Variants in VKORC1 observed in about 807,000 individuals in gnomAD.
VKORC1 encodes phylloquinone epoxide reductase.
Under a neutral mutation model 14.8 loss-of-function variants are expected in VKORC1, and 12 were observed. That is an observed-to-expected ratio of 0.81 (90% CI 0.52 to 1.31). The LOEUF (loss-of-function observed/expected upper bound fraction) is 1.31, where lower values mean the gene tolerates loss of function less well. VKORC1 is among the 50% of genes most tolerant of loss of function. VKORC1 has a pLI of 0.00. For synonymous variants in VKORC1, 94 were observed against 92.5 expected, an observed-to-expected ratio of 1.02 and a Z score of -0.09; for missense variants, 223 against 215.3, an observed-to-expected ratio of 1.04 and a Z score of -0.22.
rs1057109736 is a variant in VKORC1, at chr16:31,093,347, A to C, written c.248T>G (p.Phe83Cys). 1 of 1,614,126 alleles carries C rather than the reference A, an allele frequency of 6.2e-7. No individual in the cohort carries two copies. The highest frequency in any genetic ancestry group is 1.1e-5 in the South Asian group (1 of 91,080). Residue 83 changes from phenylalanine to cysteine, a missense_variant, in exon 2 of 3, where the codon TTC (phenylalanine) becomes TGC (cysteine). Physicochemically the swap from Phe to Cys is radical, Grantham distance 205. Coordinates refer to ENST00000394975, the MANE Select transcript of VKORC1 (RefSeq NM_024006.6). ...CTGTAGTGTGTAGAAGATGCAACCG[A>C]ATATGCTGTTGGATTGATTGAGGAT... Reference protein sequence around the residue: ...DSILNQSNSIFGCIFYTLQLL... With the variant: ...DSILNQSNSICGCIFYTLQLL...
rs2057315666 is a variant in VKORC1, at chr16:31,094,637, C to T, written c.93G>A (p.Ala31=). ...GGTAATCCCGGTCCCGGGCGCGCGC[C>T]GCCTTCACGTGCAGCGCGTAGAGCG... ...VLSLYALHVK[A]ARARDRDYRA... is the part of the protein sequence containing the mutation. The change falls in exon 1 of 3, where the codon GCG becomes GCA. Residue 31 remains alanine (A), a synonymous_variant. Transcript: ENST00000394975. The T allele has an allele frequency of 1.2e-6, 2 of 1,606,590 alleles. No homozygotes were observed. The highest frequency in any genetic ancestry group is 1.7e-6 in the Non-Finnish European group (2 of 1,178,106).
At chr16:31,094,274 C>T (rs1450422995) in intron 1 of VKORC1, 1 of 1,612,914 alleles carries the variant, frequency 6.2e-7, no homozygotes, top group Non-Finnish European at 8.5e-7. Flanking sequence ...TCTCTACCGC[C>T]ATCCTGCCTC....
intron 1 of VKORC1, chr16:31,093,647 G>T: frequency 9.1e-7 from 1 of 1,093,496 alleles, no homozygotes; most frequent in Non-Finnish European, 1.3e-6. Flanking sequence ...ACCAGGCCCG[G>T]ACGTGGCTAC....
At position 31,090,996 on chromosome 16, in the gene VKORC1, T is replaced by C. The variant is rs1490108322; in HGVS notation, c.*138A>G. The C allele has an allele frequency of 2.8e-6, 4 of 1,410,720 alleles. No individual in the cohort carries two copies. Among genetic ancestry groups the C allele is most frequent in the Admixed American group, 4.1e-5 (2 of 48,548 alleles). 87.4% of individuals were successfully genotyped at this position (1,410,720 alleles called of 1,614,324 possible). A position where few individuals can be genotyped will look rare whatever the true frequency, so the allele number is the denominator to read the frequency against. On this transcript the variant is annotated 3_prime_UTR_variant, in exon 3 of 3. Transcript: ENST00000394975. ...GTGTGGCACATTTGGTCCATTGTCA[T>C]GTGCGGGTATGGCAGGAGGAGGGGG...
chr16:31,091,065 A>G lies in VKORC1; in HGVS notation c.*69T>C. The G allele has an allele frequency of 6.3e-7, 1 of 1,586,806 alleles. No homozygotes were observed. Among genetic ancestry groups the G allele is most frequent in the Non-Finnish European group, 8.6e-7 (1 of 1,166,818 alleles). ...TCTAGGGCCTTCTAGGGACCCAGAT[A>G]TGCCCCCTTAGGCAAGGCTCACATG... On this transcript the variant is annotated 3_prime_UTR_variant, in exon 3 of 3. Coordinates refer to ENST00000394975, the MANE Select transcript of VKORC1 (RefSeq NM_024006.6).
At chr16:31,094,314 G>C in intron 1 of VKORC1, 1 of 1,612,886 alleles carries the variant, frequency 6.2e-7, no homozygotes. Flanking sequence ...GTTATTCCTT[G>C]GCATCCAATT....
At chr16:31,094,462 G>A (rs775405268) in intron 1 of VKORC1, 95 bp downstream of exon 1, 21 of 1,612,746 alleles carry the variant, frequency 1.3e-5, no homozygotes, top group East Asian at 8.9e-5. Flanking sequence ...CCCCGTGTCC[G>A]TTCCCCGGGC....
At chr16:31,093,931 T>G in intron 1 of VKORC1, 1 of 390,322 alleles carries the variant, frequency 2.6e-6, no homozygotes, top group Non-Finnish European at 4.7e-6. Context: ...GGTCAACTCC[T>G]GACTTCAAGT....
At chr16:31,093,452 G>C (rs756960937) in intron 1 of VKORC1, 31 bp from the exon 2 acceptor site, 2 of 1,614,076 alleles carry the variant, frequency 1.2e-6, no homozygotes, top group South Asian at 2.2e-5. Context: ...GGTGGAACCA[G>C]GTTAGGACTG....
intron 1 of VKORC1, chr16:31,094,296 T>G: frequency 6.2e-7 from 1 of 1,612,902 alleles, no homozygotes; most frequent in Non-Finnish European, 8.5e-7. Flanking sequence ...CCGCCTTTCC[T>G]GGTCACCGTT....
intron 1 of VKORC1, chr16:31,094,148 G>A (rs1330602194): frequency 3.2e-6 from 5 of 1,547,286 alleles, no homozygotes; most frequent in Non-Finnish European, 4.4e-6. Context: ...TCTGTATTCC[G>A]TCATTATGCT....
Position 31,090,933 on chromosome 16 carries a change from GAC to G in VKORC1, c.*199_*200del, listed in dbSNP as rs2143901615. ...AGAGCTTTGGAGACCAGCCCATGGG[GAC>G]AGAGTCAGAGGCACTGGGTGTAAAA... On this transcript the variant is annotated 3_prime_UTR_variant, in exon 3 of 3. Coordinates refer to ENST00000394975, the MANE Select transcript of VKORC1 (RefSeq NM_024006.6). The G allele has an allele frequency of 1.2e-6, 1 of 805,064 alleles. No individual in the cohort carries two copies. The highest frequency in any genetic ancestry group is 1.9e-6 in the Non-Finnish European group (1 of 517,822). The allele number at this position is 805,064 out of a possible 1,614,324, so 49.9% of individuals were successfully genotyped here.
In VKORC1 at chr16:31,094,710, C is replaced by G; in HGVS notation, c.20G>C (p.Ser7Thr). The stretch of plus-strand genomic sequence containing the variant: ...AAGAGCGAGCCGCACCCAGCCAGGG[C>G]TCCCCCAGGTGCTGCCCATTATCTC... MGSTWG[S>T]PGWVRLALCL... The change falls in exon 1 of 3, where the codon AGC (serine) becomes ACC (threonine). Residue 7 changes from serine (S) to threonine (T), a missense_variant. Physicochemically the swap from Ser to Thr is moderately conservative, Grantham distance 58. Transcript: ENST00000394975. 3.1e-6 allele frequency: 5 copies of G among 1,607,504 alleles called. No individual in the cohort carries two copies. The highest frequency in any genetic ancestry group is 2.2e-5 in the South Asian group (2 of 90,540).
chr16:31,090,898 G>C lies in VKORC1; in HGVS notation c.*236C>G, dbSNP rs914627310. The C allele has an allele frequency of 2.6e-5, 16 of 615,504 alleles. No homozygotes were observed. The highest frequency in any genetic ancestry group is 4.4e-5 in the Non-Finnish European group (16 of 359,778). The allele number at this position is 615,504 out of a possible 1,614,324, so 38.1% of individuals were successfully genotyped here. A position where few individuals can be genotyped will look rare whatever the true frequency, so the allele number is the denominator to read the frequency against. ...TATTGCTCAGAACCTTCCCTCCCTGGGCAATGGAAAGAGCTTTGGAGACCA... is the reference window on the plus strand; with the variant it reads ...TATTGCTCAGAACCTTCCCTCCCTGCGCAATGGAAAGAGCTTTGGAGACCA... On this transcript the variant is annotated 3_prime_UTR_variant, in exon 3 of 3. Transcript: ENST00000394975.
At chr16:31,094,425 T>G (rs191369353) in intron 1 of VKORC1, 132 bp downstream of exon 1, 2 of 1,612,950 alleles carry the variant, frequency 1.2e-6, no homozygotes, top group Non-Finnish European at 1.7e-6. Flanking sequence ...GCTCAGCCCC[T>G]GTGCAACGAC....
chr16:31,093,563 T>C lies in VKORC1; in HGVS notation c.174-142A>G, dbSNP rs188009042. 2.1e-4 allele frequency: 326 copies of C among 1,537,106 alleles called. 1 individual carries two copies. In the East Asian group the frequency reaches 7.3e-3, roughly 34 times the overall value. On this transcript the variant is annotated intron_variant, in intron 1 of 2. Coordinates refer to ENST00000394975, the MANE Select transcript of VKORC1 (RefSeq NM_024006.6). ...CCTCCCATCCTAGTCCAAGGGTCGATGATCTCCTGGCACCGGGCACCTTTG... is the reference window on the plus strand; with the variant it reads ...CCTCCCATCCTAGTCCAAGGGTCGACGATCTCCTGGCACCGGGCACCTTTG...
Position 31,090,857 on chromosome 16 carries a change from T to A in VKORC1, c.*277A>T. 2.0e-6 allele frequency: 1 copy of A among 488,226 alleles called. No homozygotes were observed. The highest frequency in any genetic ancestry group is 2.1e-5 in the South Asian group (1 of 47,790). The allele number at this position is 488,226 out of a possible 1,614,324, so 30.2% of individuals were successfully genotyped here. ...AGACACATGGTTCAGACTTGGCTGA[T>A]TGATCTAAGAAACTTTATTGCTCAG... On this transcript the variant is annotated 3_prime_UTR_variant, in exon 3 of 3. Transcript: ENST00000394975.
At chr16:31,094,448 C>T in intron 1 of VKORC1, 109 bp downstream of exon 1, 1 of 1,612,972 alleles carries the variant, frequency 6.2e-7, no homozygotes, top group Non-Finnish European at 8.5e-7. Context: ...CGCGAGCAGT[C>T]CAGCCCCGTG....
chr16:31,094,064 A>C, intron 1 of VKORC1: 1 of 1,212,272 alleles, frequency 8.2e-7, no homozygotes, highest in Non-Finnish European at 1.1e-6. Flanking sequence ...TGCATCAGAG[A>C]CTGGGAGTCG....
Sources: allele counts gnomAD v4.1 joint callset, GRCh38; gene constraint gnomAD v4.1.1; transcripts MANE v1.5; gene names NCBI Gene and HGNC (gene_info 2026-07-23, HGNC 2026-07-21).